UBA2: variants seen among roughly 807,000 people sequenced by gnomAD.
UBA2 encodes the protein ubiquitin like modifier activating enzyme 2, also known as SUMO-activating enzyme subunit 2.
Under a neutral mutation model 77.2 loss-of-function variants are expected in UBA2, and 11 were observed. The ratio of observed to expected loss-of-function variants is 0.14; its 90% CI spans 0.09 to 0.24. The LOEUF (loss-of-function observed/expected upper bound fraction) is 0.24, where lower values mean the gene tolerates loss of function less well. Among genes scored for constraint, UBA2 ranks in the 10% least tolerant of loss-of-function variants. The probability of loss-of-function intolerance (pLI) is 1.00; values close to 1 mark genes in which losing one functional copy is unlikely to be tolerated. For synonymous variants in UBA2, 278 were observed against 276.7 expected, an observed-to-expected ratio of 1.00 and a Z score of -0.05; for missense variants, 487 against 781.7, an observed-to-expected ratio of 0.62 and a Z score of 4.50.
intron 5 of UBA2, among the ~76,000 whole-genome samples, chr19:34,437,263 G>T (rs1201076384): frequency 2.0e-5 from 3 of 150,726 alleles, no homozygotes; most frequent in Admixed American, 2.0e-4. Flanking sequence ...CGCCCGGCCA[G>T]ACATTGCTTT....
chr19:34,428,773 C>T (rs2075217242), intron 1 of UBA2: 9 of 1,143,140 alleles, frequency 7.9e-6, no homozygotes, highest in Admixed American at 4.4e-5. Context: ...CCTCCGCTCG[C>T]TGGGCCGGCT....
intron 8 of UBA2, 133 bp downstream of exon 8, chr19:34,445,254 A>G: frequency 3.5e-6 from 3 of 865,836 alleles, no homozygotes; most frequent in Non-Finnish European, 5.1e-6. Flanking sequence ...TGATGTCCTA[A>G]TAAAATGATT....
intron 16 of UBA2, 40 bp from the exon 17 acceptor site, chr19:34,469,000 G>A (rs757020110): frequency 3.2e-6 from 5 of 1,547,342 alleles, no homozygotes; most frequent in African/African-American, 1.4e-5. Flanking sequence ...TAACTCCCAC[G>A]CTTTTACCCA....
intron 7 of UBA2, 122 bp from the exon 8 acceptor site, chr19:34,444,878 C>A: frequency 1.0e-6 from 1 of 981,954 alleles, no homozygotes; most frequent in Non-Finnish European, 1.5e-6. Context: ...ATTCCTTGAA[C>A]TCAGAATGTG....
At chr19:34,453,547 A>G (rs1266982564) in intron 10 of UBA2, among the ~76,000 whole-genome samples, 1 of 145,826 alleles carries the variant, frequency 6.9e-6, no homozygotes, top group Non-Finnish European at 1.5e-5. Context: ...TAATTGAGAC[A>G]GGGTCTCACT....
At position 34,445,009 on chromosome 19, in the gene UBA2, C is replaced by T. The variant is rs578055568; in HGVS notation, c.659C>T (p.Thr220Met). The T allele has an allele frequency of 2.8e-5, 45 of 1,611,196 alleles. No homozygotes were observed. The highest frequency in any genetic ancestry group is 6.7e-5 in the African/African-American group (5 of 74,846). ...AATGATCGTTTTATAGGGGAACCAA[C>T]GGAAGCCGAAGCCAGAGCTAGAGCA... The part of the protein sequence containing the change: ...RADPEAAWEP[T>M]EAEARARASN... The change falls in exon 8 of 17, where the codon ACG becomes ATG. Residue 220 changes from threonine (T) to methionine (M), a missense_variant. By Grantham distance (81) the Thr-to-Met change is moderately conservative. Transcript: ENST00000246548.
At chr19:34,443,725 C>A in intron 6 of UBA2, 119 bp from the exon 7 acceptor site, 1 of 701,972 alleles carries the variant, frequency 1.4e-6, no homozygotes. Flanking sequence ...AAGGTGTGAG[C>A]CACTGCGCCC....
chr19:34,451,298 A>G (rs1208058447), intron 9 of UBA2, among the ~76,000 whole-genome samples: 2 of 152,124 alleles, frequency 1.3e-5, no homozygotes, highest in Non-Finnish European at 1.5e-5. Context: ...ACCCATTGAA[A>G]CTTAAAAGAT....
chr19:34,454,403 T>A, intron 11 of UBA2, 41 bp from the exon 12 acceptor site: 2 of 1,587,172 alleles, frequency 1.3e-6, no homozygotes. Context: ...AAGTTGTTTT[T>A]TAAACAGTGA....
chr19:34,442,054 G>A (rs1426096119), intron 6 of UBA2, among the ~76,000 whole-genome samples: 2 of 151,998 alleles, frequency 1.3e-5, no homozygotes, highest in Admixed American at 6.6e-5. Flanking sequence ...GGGCAACATA[G>A]TGAAACCCCA....
Position 34,469,334 on chromosome 19 carries a change from A to T in UBA2, c.*113A>T, listed in dbSNP as rs1568389361. 1.0e-6 allele frequency: 1 copy of T among 963,310 alleles called. No homozygotes were observed. The highest frequency in any genetic ancestry group is 1.4e-6 in the Non-Finnish European group (1 of 695,978). The allele number at this position is 963,310 out of a possible 1,614,324, so 59.7% of individuals were successfully genotyped here. A position where few individuals can be genotyped will look rare whatever the true frequency, so the allele number is the denominator to read the frequency against. Reference sequence around the variant, plus strand: ...AATTGACAGCAGTGACTTGAAAATGATTCTGCTCCCTTTGAAAGCATTCAT... The same window carrying T: ...AATTGACAGCAGTGACTTGAAAATGTTTCTGCTCCCTTTGAAAGCATTCAT... On this transcript the variant is annotated 3_prime_UTR_variant, in exon 17 of 17. Coordinates refer to ENST00000246548, the MANE Select transcript of UBA2 (RefSeq NM_005499.3).
At position 34,450,380 on chromosome 19, in the gene UBA2, T is replaced by A; in HGVS notation, c.871+16T>A. 1 of 1,563,226 alleles carries A rather than the reference T, an allele frequency of 6.4e-7. No individual in the cohort carries two copies. Among genetic ancestry groups the A allele is most frequent in the Non-Finnish European group, 8.7e-7 (1 of 1,151,438 alleles). The stretch of plus-strand genomic sequence containing the variant: ...CAAAGTCAAGGTAAAGAATACATTT[T>A]AGTCTTGGAACACCTAAGCTGGAAA... On this transcript the variant is annotated intron_variant, in intron 9 of 16. Transcript: ENST00000246548.
intron 10 of UBA2, among the ~76,000 whole-genome samples, chr19:34,453,517 CT>C (rs560242991): frequency 0.014 from 1,803 of 127,268 alleles, 11 homozygotes; most frequent in African/African-American, 0.022. Flanking sequence ...AATGAAACAG[CT>C]TTTTTTTTTT....
At chr19:34,468,888 A>G in intron 16 of UBA2, 152 bp from the exon 17 acceptor site, 1 of 566,508 alleles carries the variant, frequency 1.8e-6, no homozygotes. Context: ...TTAAAACAGT[A>G]TGGAAATACG....
chr19:34,430,324 T>A, intron 1 of UBA2: 1 of 351,808 alleles, frequency 2.8e-6, no homozygotes, highest in Non-Finnish European at 5.2e-6. Context: ...TTTTCCAGGA[T>A]GATTAAACAA....
At chr19:34,458,688 C>A in intron 12 of UBA2, 81 bp from the exon 13 acceptor site, 2 of 1,190,614 alleles carry the variant, frequency 1.7e-6, no homozygotes, top group Non-Finnish European at 1.1e-6. Flanking sequence ...TATTGGATAT[C>A]TGGTAAACGA....
chr19:34,457,182 ATATATATAT>A (rs2075576642), intron 12 of UBA2, among the ~76,000 whole-genome samples: 16 of 85,624 alleles, frequency 1.9e-4, no homozygotes, highest in South Asian at 1.4e-3. Flanking sequence ...AAAAAAAAAT[ATATATATAT>A]ATATATATAT....
intron 12 of UBA2, among the ~76,000 whole-genome samples, chr19:34,458,212 G>A (rs1258573967): frequency 6.6e-6 from 1 of 152,128 alleles, no homozygotes; most frequent in African/African-American, 2.4e-5. Context: ...TATAATACAA[G>A]GAGATGTCTT....
chr19:34,449,723 G>A (rs1437880231), intron 8 of UBA2, among the ~76,000 whole-genome samples: 1 of 151,994 alleles, frequency 6.6e-6, no homozygotes, highest in African/African-American at 2.4e-5. Context: ...TTTTATTTTT[G>A]TTCATGTTTC....
Sources: gnomAD v4.1 joint callset for allele counts (sites outside exome capture counted in the v4.1 genomes callset) on GRCh38, gnomAD v4.1.1 for gene constraint, MANE v1.5 for transcripts, NCBI Gene and HGNC (gene_info 2026-07-23, HGNC 2026-07-21) for gene names.